The following ZNF134 variants were observed in gnomAD, a reference collection of about 807,000 sequenced individuals.
The protein encoded by ZNF134 is zinc finger protein 134.
In ZNF134, 5 loss-of-function variants were observed where a neutral mutation model predicts 2.5. The ratio of observed to expected loss-of-function variants is 2.03; its 90% CI spans 1.06 to 4.27. The LOEUF is 4.27. Ranked by LOEUF, ZNF134 falls within the 30% of genes most tolerant of loss-of-function variation. The pLI, the probability that ZNF134 is intolerant of heterozygous loss-of-function variation, is 0.00. For synonymous variants in ZNF134, 176 were observed against 176.2 expected (o/e 1.00, Z 0.01); for missense variants, 540 against 517.5 (o/e 1.04, Z -0.42).
In ZNF134 at chr19:57,617,981, G is replaced by A. The variant is rs564572210; in HGVS notation, c.-57-1431G>A. On this transcript the variant is annotated intron_variant, in intron 1 of 2. Transcript: ENST00000396161. ...TATGTGCTCCTCAGGCTTCCATGGT[G>A]ACCTTTGGTGGGACCTGTGGAGTTT... is the stretch of plus-strand genomic sequence containing the variant. Among the ~76,000 whole-genome samples the A allele has an allele frequency of 3.3e-5, 5 of 152,340 alleles. No homozygotes were observed. The South Asian group carries it at 8.3e-4, about 25-fold the overall frequency.
At chr19:57,616,507 T>C (rs1981055322) in intron 1 of ZNF134, among the ~76,000 whole-genome samples, 1 of 152,224 alleles carries the variant, frequency 6.6e-6, no homozygotes, top group Non-Finnish European at 1.5e-5. Context: ...ACAAGCCTGA[T>C]ACAAACAGTA....
Position 57,621,049 on chromosome 19 carries a change from C to T in ZNF134, c.930C>T (p.His310=), listed in dbSNP as rs754304885. ...KSTLVQHESI[H]TGENPYDCSD... Reference sequence around the variant, plus strand: ...CACTTGTTCAGCATGAGAGTATTCACACTGGAGAAAATCCTTATGATTGCA... The same window carrying T: ...CACTTGTTCAGCATGAGAGTATTCATACTGGAGAAAATCCTTATGATTGCA... Residue 310 remains histidine, a synonymous_variant, in exon 3 of 3, where the codon CAC becomes CAT. Transcript: ENST00000396161. 19 of 1,614,222 alleles carry T rather than the reference C, an allele frequency of 1.2e-5. No individual in the cohort carries two copies. Among genetic ancestry groups the T allele is most frequent in the Non-Finnish European group, 1.6e-5 (19 of 1,180,042 alleles).
intron 1 of ZNF134, among the ~76,000 whole-genome samples, chr19:57,614,746 C>A (rs558750329): frequency 6.6e-6 from 1 of 152,244 alleles, no homozygotes; most frequent in East Asian, 1.9e-4. Context: ...GGAGAAGTTG[C>A]TCCTTCATTG....
At chr19:57,618,180 T>C (rs1981103306) in intron 1 of ZNF134, among the ~76,000 whole-genome samples, 1 of 152,212 alleles carries the variant, frequency 6.6e-6, no homozygotes, top group Non-Finnish European at 1.5e-5. Context: ...ATCTGGGATC[T>C]GCACATGGTT....
At position 57,621,731 on chromosome 19, in the gene ZNF134, A is replaced by T. The variant is rs1252798620; in HGVS notation, c.*328A>T. ...TATGACAGGTATAGGTATGGATATG[A>T]CCCATTTTTAGCCAAGAGGGTCTGA... On this transcript the variant is annotated 3_prime_UTR_variant, in exon 3 of 3. Coordinates refer to ENST00000396161, the MANE Select transcript of ZNF134 (RefSeq NM_003435.5). 2.4e-6 allele frequency: 1 copy of T among 423,074 alleles called. No homozygotes were observed. The highest frequency in any genetic ancestry group is 4.5e-6 in the Non-Finnish European group (1 of 224,420). 26.2% of individuals were successfully genotyped at this position (423,074 alleles called of 1,614,324 possible).
rs2269818 is a variant in ZNF134 at position 57,614,276 on chromosome 19, A to G, written c.-285A>G. On this transcript the variant is annotated 5_prime_UTR_variant, in exon 1 of 3. Transcript: ENST00000396161. ...ATCTTGTCGGCTCTTAGGTGGAACCATCGGAGCAGAAGCTCGGGGTTGCTG... is the reference window on the plus strand; with the variant it reads ...ATCTTGTCGGCTCTTAGGTGGAACCGTCGGAGCAGAAGCTCGGGGTTGCTG... 0.057 allele frequency: 25,632 copies of G among 448,230 alleles called. 1,126 individuals carry two copies. The highest frequency in any genetic ancestry group is 0.16 in the East Asian group (2,231 of 13,690). The allele number at this position is 448,230 out of a possible 1,614,324, so 27.8% of individuals were successfully genotyped here.
At chr19:57,615,183 G>A (rs73573450) in intron 1 of ZNF134, among the ~76,000 whole-genome samples, 7,938 of 152,114 alleles carry the variant, frequency 0.052, 677 homozygotes, top group African/African-American at 0.18. Context: ...TTGGGTTTTG[G>A]ACTTGGTGAA....
In ZNF134 at chr19:57,621,145, G is replaced by A; in HGVS notation, c.1026G>A (p.Lys342=). 1.2e-6 allele frequency: 2 copies of A among 1,614,246 alleles called. No individual in the cohort carries two copies. The highest frequency in any genetic ancestry group is 1.7e-6 in the Non-Finnish European group (2 of 1,180,044). Residue 342 remains lysine (K), a synonymous_variant, in exon 3 of 3, where the codon AAG becomes AAA. Transcript: ENST00000396161. ...ATCAGCGAATTCACACTGAGTCAAA[G>A]CCGTTTGAGTGCATTGAATGCGGGA... ...IKHQRIHTES[K]PFECIECGKF...
chr19:57,617,410 T>C (rs1188193241), intron 1 of ZNF134, among the ~76,000 whole-genome samples: 1 of 152,146 alleles, frequency 6.6e-6, no homozygotes, highest in Non-Finnish European at 1.5e-5. Context: ...GATTTTCTGA[T>C]GTGGAAGATG....
chr19:57,615,690 A>G (rs1981033963), intron 1 of ZNF134, among the ~76,000 whole-genome samples: 1 of 152,146 alleles, frequency 6.6e-6, no homozygotes, highest in Admixed American at 6.5e-5. Context: ...CGCTTAATCT[A>G]AGCTGAGCCA....
intron 1 of ZNF134, among the ~76,000 whole-genome samples, chr19:57,615,037 A>G (rs1327790267): frequency 1.3e-5 from 2 of 152,118 alleles, no homozygotes; most frequent in Non-Finnish European, 2.9e-5. Flanking sequence ...TTCCTGCCGC[A>G]TCAGATGTGG....
At chr19:57,616,981 A>G (rs1013300240) in intron 1 of ZNF134, among the ~76,000 whole-genome samples, 2 of 152,186 alleles carry the variant, frequency 1.3e-5, no homozygotes, top group South Asian at 2.1e-4. Flanking sequence ...AAGGGTTTCT[A>G]TTTCTGGCAA....
chr19:57,614,587 C>G, intron 1 of ZNF134, 84 bp downstream of exon 1: 1 of 339,436 alleles, frequency 2.9e-6, no homozygotes, highest in South Asian at 2.1e-5. Flanking sequence ...CCCTGCAGCG[C>G]AGGCCCCAGT....
At chr19:57,617,569 C>G (rs1981087762) in intron 1 of ZNF134, among the ~76,000 whole-genome samples, 1 of 152,070 alleles carries the variant, frequency 6.6e-6, no homozygotes, top group Non-Finnish European at 1.5e-5. Context: ...TGGAATCTAC[C>G]ATGTTCCAAA....
rs1980985481 is a variant in ZNF134, at chr19:57,614,274, C to T, written c.-287C>T. On this transcript the variant is annotated 5_prime_UTR_variant, in exon 1 of 3. Coordinates refer to ENST00000396161, the MANE Select transcript of ZNF134 (RefSeq NM_003435.5). ...ACATCTTGTCGGCTCTTAGGTGGAA[C>T]CATCGGAGCAGAAGCTCGGGGTTGC... 4.5e-6 allele frequency: 2 copies of T among 446,076 alleles called. No homozygotes were observed. Among genetic ancestry groups the T allele is most frequent in the South Asian group, 1.6e-5 (1 of 63,402 alleles). The allele number at this position is 446,076 out of a possible 1,614,324, so 27.6% of individuals were successfully genotyped here.
Position 57,620,283 on chromosome 19 carries a change from G to T in ZNF134, c.164G>T (p.Cys55Phe). 6.2e-7 allele frequency: 1 copy of T among 1,614,188 alleles called. No homozygotes were observed. The highest frequency in any genetic ancestry group is 8.5e-7 in the Non-Finnish European group (1 of 1,180,040). ...PAQTALPCDI[C>F]GPILKDILHL... Reference sequence around the variant, plus strand: ...CAGACGGCTCTCCCTTGTGACATATGTGGCCCCATCTTGAAAGATATTTTG... The same window carrying T: ...CAGACGGCTCTCCCTTGTGACATATTTGGCCCCATCTTGAAAGATATTTTG... The change falls in exon 3 of 3, where the codon TGT becomes TTT. Residue 55 changes from cysteine to phenylalanine, a missense_variant. Coordinates refer to ENST00000396161, the MANE Select transcript of ZNF134 (RefSeq NM_003435.5).
chr19:57,618,016 T>C (rs2122125518), intron 1 of ZNF134, among the ~76,000 whole-genome samples: 1 of 152,264 alleles, frequency 6.6e-6, no homozygotes, highest in African/African-American at 2.4e-5. Context: ...TCAGTCAAGC[T>C]AGTGAATTAG....
rs144518114 is a variant in ZNF134, at chr19:57,623,127, G to C, written c.*1724G>C. On this transcript the variant is annotated 3_prime_UTR_variant, in exon 3 of 3. Coordinates refer to ENST00000396161, the MANE Select transcript of ZNF134 (RefSeq NM_003435.5). Reference sequence around the variant, plus strand: ...AGGCAACCACTGAGTAGTTTTCACTGTAGGTAAATTTGTCTTTTCTAGAAT... The same window carrying C: ...AGGCAACCACTGAGTAGTTTTCACTCTAGGTAAATTTGTCTTTTCTAGAAT... 374 of 152,190 alleles carry C rather than the reference G, an allele frequency of 2.5e-3. No homozygotes were observed. The highest frequency in any genetic ancestry group is 8.4e-3 in the African/African-American group (347 of 41,520). 9.4% of individuals were successfully genotyped at this position (152,190 alleles called of 1,614,324 possible).
rs1018404323 is a variant in ZNF134 at position 57,619,496 on chromosome 19, T to C, written c.28T>C (p.Trp10Arg). 3.4e-5 allele frequency: 54 copies of C among 1,604,944 alleles called. No homozygotes were observed. Among genetic ancestry groups the C allele is most frequent in the Non-Finnish European group, 4.3e-5 (50 of 1,175,948 alleles). The change falls in exon 2 of 3, where the codon TGG becomes CGG. Residue 10 changes from tryptophan to arginine, a missense_variant. Trp to Arg is a moderately radical substitution (Grantham distance 101). Coordinates refer to ENST00000396161, the MANE Select transcript of ZNF134 (RefSeq NM_003435.5). MTLVTAGGA[W>R]TGPGCWHEVK... The stretch of plus-strand genomic sequence containing the variant: ...GACTCTAGTCACAGCAGGAGGGGCT[T>C]GGACAGGCCCTGGTGAGTGGGAGCT...
Sources: gnomAD v4.1 joint callset for allele counts (sites outside exome capture counted in the v4.1 genomes callset) on GRCh38, gnomAD v4.1.1 for gene constraint, MANE v1.5 for transcripts, NCBI Gene and HGNC (gene_info 2026-07-23, HGNC 2026-07-21) for gene names.